ROBO1: variants seen among roughly 807,000 people sequenced by gnomAD.
The protein encoded by ROBO1 is roundabout guidance receptor 1.
ROBO1 carries 149 observed loss-of-function variants against 195.9 expected under a neutral mutation model. That is an observed-to-expected ratio of 0.76 (90% CI 0.67 to 0.87). The LOEUF (loss-of-function observed/expected upper bound fraction) is 0.87. Among genes scored for constraint, ROBO1 ranks in the 40% least tolerant of loss-of-function variants. The pLI is 0.00. For synonymous variants in ROBO1, 816 were observed against 733.2 expected (o/e 1.11, Z -1.82); for missense variants, 1,933 against 2,068.3 (o/e 0.93, Z 1.27).
chr3:78,682,313 T>G (rs1382778194), intron 10 of ROBO1, among the ~76,000 whole-genome samples: 1 of 151,514 alleles, frequency 6.6e-6, no homozygotes, highest in African/African-American at 2.4e-5. Flanking sequence ...AAAAAAGACA[T>G]AAATATTGAA....
At chr3:79,441,557 CA>C (rs1254809945) in intron 2 of ROBO1, among the ~76,000 whole-genome samples, 1 of 152,088 alleles carries the variant, frequency 6.6e-6, no homozygotes, top group East Asian at 1.9e-4. Flanking sequence ...ACATTTTTTA[CA>C]GCGAGAAAAT....
intron 2 of ROBO1, among the ~76,000 whole-genome samples, chr3:79,477,551 CA>C: frequency 6.6e-6 from 1 of 151,594 alleles, no homozygotes; most frequent in Non-Finnish European, 1.5e-5. Flanking sequence ...AGAAACTAAA[CA>C]AAAAACAAAA....
chr3:79,160,261 T>TG (rs1553692413), intron 2 of ROBO1, among the ~76,000 whole-genome samples: 1 of 151,482 alleles, frequency 6.6e-6, no homozygotes, highest in African/African-American at 2.4e-5. Flanking sequence ...TGTGTGTGTG[T>TG]TGTAGCATGA....
At chr3:78,750,494 T>TA (rs376109150) in intron 4 of ROBO1, among the ~76,000 whole-genome samples, 3,427 of 138,628 alleles carry the variant, frequency 0.025, 131 homozygotes, top group African/African-American at 0.086. Flanking sequence ...AATAAATAAA[T>TA]AAATAAAATA....
intron 10 of ROBO1, among the ~76,000 whole-genome samples, chr3:78,681,278 A>G (rs555087344): frequency 9.5e-4 from 144 of 152,216 alleles, no homozygotes; most frequent in African/African-American, 3.1e-3. Flanking sequence ...GCACATGTAT[A>G]CATATGTAAC....
chr3:79,436,690 G>C (rs550436476), intron 2 of ROBO1, among the ~76,000 whole-genome samples: 1 of 152,150 alleles, frequency 6.6e-6, no homozygotes, highest in Non-Finnish European at 1.5e-5. Flanking sequence ...TTTTAAAAGA[G>C]TGTTTGAAGT....
At chr3:79,140,487 A>G (rs1284300418) in intron 2 of ROBO1, among the ~76,000 whole-genome samples, 2 of 152,140 alleles carry the variant, frequency 1.3e-5, no homozygotes, top group Non-Finnish European at 2.9e-5. Flanking sequence ...AAATAATACT[A>G]TCTATTTCAC....
intron 2 of ROBO1, among the ~76,000 whole-genome samples, chr3:79,357,932 TG>T (rs577100399): frequency 6.6e-6 from 1 of 152,098 alleles, no homozygotes; most frequent in Admixed American, 6.6e-5. Flanking sequence ...ATGAAATTAA[TG>T]GGGGGATAGC....
At chr3:79,659,719 T>G (rs1208803895) in intron 1 of ROBO1, among the ~76,000 whole-genome samples, 1 of 151,978 alleles carries the variant, frequency 6.6e-6, no homozygotes, top group Non-Finnish European at 1.5e-5. Flanking sequence ...ATGTCCACCA[T>G]GGAAGAGTTA....
intron 2 of ROBO1, among the ~76,000 whole-genome samples, chr3:79,233,613 T>C (rs1418328831): frequency 2.0e-5 from 3 of 152,114 alleles, no homozygotes; most frequent in African/African-American, 7.2e-5. Flanking sequence ...GCTACATCCA[T>C]TGAACTCCAA....
At chr3:78,663,147 T>C (rs929651417) in intron 14 of ROBO1, among the ~76,000 whole-genome samples, 37 of 151,558 alleles carry the variant, frequency 2.4e-4, no homozygotes, top group Admixed American at 5.3e-4. Flanking sequence ...CGTCAAACAA[T>C]TGATCTTGGG....
intron 1 of ROBO1, among the ~76,000 whole-genome samples, chr3:79,714,415 T>C (rs967336917): frequency 6.6e-6 from 1 of 152,110 alleles, no homozygotes; most frequent in African/African-American, 2.4e-5. Context: ...TGTAAACTAG[T>C]CCAAATATTG....
intron 24 of ROBO1, among the ~76,000 whole-genome samples, chr3:78,632,531 G>T (rs949339533): frequency 7.2e-5 from 11 of 152,132 alleles, no homozygotes; most frequent in African/African-American, 2.4e-4. Flanking sequence ...TACATCTACT[G>T]TAGCAACTCC....
intron 2 of ROBO1, among the ~76,000 whole-genome samples, chr3:79,316,607 G>T (rs1274721470): frequency 6.6e-6 from 1 of 152,088 alleles, no homozygotes; most frequent in East Asian, 1.9e-4. Flanking sequence ...TCTGAGGATG[G>T]CATAAAGTAA....
intron 3 of ROBO1, among the ~76,000 whole-genome samples, chr3:78,990,652 G>A (rs984898703): frequency 6.6e-6 from 1 of 151,998 alleles, no homozygotes; most frequent in African/African-American, 2.4e-5. Context: ...AAGAGAGTAA[G>A]GTATGTATAT....
At chr3:79,119,171 C>T (rs190270466) in intron 3 of ROBO1, among the ~76,000 whole-genome samples, 1 of 152,216 alleles carries the variant, frequency 6.6e-6, no homozygotes, top group East Asian at 1.9e-4. Context: ...GTGTGGAAAA[C>T]ACACAATTAA....
intron 18 of ROBO1, among the ~76,000 whole-genome samples, chr3:78,652,262 T>C (rs1469507218): frequency 6.6e-6 from 1 of 152,008 alleles, no homozygotes; most frequent in Non-Finnish European, 1.5e-5. Context: ...CTGAGAAAAA[T>C]ACAAAAACAT....
chr3:79,001,565 T>C (rs974494704), intron 3 of ROBO1, among the ~76,000 whole-genome samples: 2 of 152,192 alleles, frequency 1.3e-5, no homozygotes, highest in African/African-American at 4.8e-5. Flanking sequence ...AAAGGTTATA[T>C]AAATTATCCT....
intron 2 of ROBO1, among the ~76,000 whole-genome samples, chr3:79,165,520 G>A (rs561111555): frequency 3.5e-4 from 53 of 152,336 alleles, no homozygotes; most frequent in Admixed American, 1.0e-3. Context: ...CTGATTCGAA[G>A]ATCAGAAATC....
Sources: gnomAD v4.1 joint callset for allele counts (sites outside exome capture counted in the v4.1 genomes callset) on GRCh38, gnomAD v4.1.1 for gene constraint, MANE v1.5 for transcripts, NCBI Gene and HGNC (gene_info 2026-07-23, HGNC 2026-07-21) for gene names.